Variants in CNPY4 observed in about 807,000 individuals in gnomAD.
The protein encoded by CNPY4 is protein canopy homolog 4.
Under a neutral mutation model 30.1 loss-of-function variants are expected in CNPY4, and 33 were observed. The ratio of observed to expected loss-of-function variants is 1.10; its 90% CI spans 0.83 to 1.46. The LOEUF (loss-of-function observed/expected upper bound fraction) is 1.46. Ranked by LOEUF, CNPY4 falls within the 40% of genes most tolerant of loss-of-function variation. The pLI, the probability that CNPY4 is intolerant of heterozygous loss-of-function variation, is 0.00. For synonymous variants in CNPY4, 109 were observed against 110.1 expected (o/e 0.99, Z 0.06); for missense variants, 324 against 302.6 (o/e 1.07, Z -0.52).
In CNPY4 at chr7:100,122,600, G is replaced by A. The variant is rs374997179; in HGVS notation, c.342+23G>A. ...AAGGTCAGACCCTTCCCCAGGGCAG[G>A]ACCCCACTTCTCAGATACAAAGATC... On this transcript the variant is annotated intron_variant, in intron 3 of 5. Coordinates refer to ENST00000262932, the MANE Select transcript of CNPY4 (RefSeq NM_152755.2). The A allele has an allele frequency of 4.3e-4, 682 of 1,573,618 alleles. 1 individual carries two copies. The highest frequency in any genetic ancestry group is 1.7e-3 in the Middle Eastern group (10 of 5,864).
intron 1 of CNPY4, among the ~76,000 whole-genome samples, chr7:100,120,899 A>G (rs572061321): frequency 6.6e-6 from 1 of 152,102 alleles, no homozygotes; most frequent in East Asian, 1.9e-4. Context: ...AGACCTGTAG[A>G]TAGAGATAAT....
At chr7:100,124,430 A>C in intron 4 of CNPY4, 84 bp from the exon 5 acceptor site, 1 of 1,053,154 alleles carries the variant, frequency 9.5e-7, no homozygotes, top group Non-Finnish European at 1.4e-6. Context: ...CTCCAAAATC[A>C]GTCAGGTTGA....
chr7:100,119,802 T>G lies in CNPY4; in HGVS notation c.58T>G (p.Trp20Gly). Residue 20 changes from tryptophan to glycine, a missense_variant, in exon 1 of 6, where the codon TGG becomes GGG. Transcript: ENST00000262932. Reference sequence around the variant, plus strand: ...CCTTTTTTTGGCCGTGCACGAGGCTTGGGCTGGGATGTTGAAGGAGGAGGA... The same window carrying G: ...CCTTTTTTTGGCCGTGCACGAGGCTGGGGCTGGGATGTTGAAGGAGGAGGA... ...LFLFLAVHEA[W>G]AGMLKEEDDD... 1 of 1,614,122 alleles carries G rather than the reference T, an allele frequency of 6.2e-7. No homozygotes were observed. Among genetic ancestry groups the G allele is most frequent in the Non-Finnish European group, 8.5e-7 (1 of 1,180,004 alleles).
In CNPY4 at chr7:100,122,876, C is replaced by T; in HGVS notation, c.435C>T (p.Pro145=). ...LGIPLELWDE[P]SVEVTYLKKQ... ...TCCCTCTGGAGCTTTGGGATGAGCC[C>T]AGCGTGGAGGTCACATACCTCAAGA... The change falls in exon 4 of 6, where the codon CCC becomes CCT. Residue 145 remains proline, a synonymous_variant. Coordinates refer to ENST00000262932, the MANE Select transcript of CNPY4 (RefSeq NM_152755.2). 1 of 1,613,584 alleles carries T rather than the reference C, an allele frequency of 6.2e-7. No homozygotes were observed. Among genetic ancestry groups the T allele is most frequent in the Non-Finnish European group, 8.5e-7 (1 of 1,179,898 alleles).
chr7:100,124,502 C>G lies in CNPY4; in HGVS notation c.466-12C>G. 1 of 1,595,048 alleles carries G rather than the reference C, an allele frequency of 6.3e-7. No homozygotes were observed. On this transcript the variant is annotated splice_polypyrimidine_tract_variant and intron_variant, in intron 4 of 5. Transcript: ENST00000262932. ...CAGAGCAGATACTCTTCTGGCCCTT[C>G]TACTTGACCAGTGTGAGACCATGTT...
In CNPY4 at chr7:100,124,725, C is replaced by G. The variant is rs373827926; in HGVS notation, c.584C>G (p.Ala195Gly). The G allele has an allele frequency of 6.2e-7, 1 of 1,613,804 alleles. No individual in the cohort carries two copies. The highest frequency in any genetic ancestry group is 8.5e-7 in the Non-Finnish European group (1 of 1,179,930). The change falls in exon 6 of 6, where the codon GCA (alanine) becomes GGA (glycine). Residue 195 changes from alanine (A) to glycine (G), a missense_variant and splice_region_variant. By Grantham distance (60) the Ala-to-Gly change is moderately conservative. Transcript: ENST00000262932. ...EGHVLPAAET[A>G]CLQETWTGKE... ...AATTGTTTTCTGTCATCCGATCTAG[C>G]ATGTCTACAGGAAACTTGGACTGGA... is the stretch of plus-strand genomic sequence containing the variant.
chr7:100,122,631 C>A, intron 3 of CNPY4, 54 bp downstream of exon 3: 1 of 1,526,462 alleles, frequency 6.6e-7, no homozygotes, highest in Non-Finnish European at 8.9e-7. Context: ...AGATCTGTAT[C>A]CCCTGAGGCC....
rs11763611 is a variant in CNPY4 at position 100,125,276 on chromosome 7, G to A, written c.*388G>A. The A allele has an allele frequency of 5.4e-5, 10 of 184,940 alleles. No individual in the cohort carries two copies. The highest frequency in any genetic ancestry group is 5.7e-5 in the Non-Finnish European group (5 of 87,304). 11.5% of individuals were successfully genotyped at this position (184,940 alleles called of 1,614,324 possible). ...GTTTTTAGACCCTTCCAAGGAAGAG[G>A]CCAGAACGGACATTCTCTGCGATCT... is the stretch of plus-strand genomic sequence containing the variant. On this transcript the variant is annotated 3_prime_UTR_variant, in exon 6 of 6. Transcript: ENST00000262932.
At position 100,122,286 on chromosome 7, in the gene CNPY4, A is replaced by G. The variant is rs1239109297; in HGVS notation, c.146A>G (p.Gln49Arg). The G allele has an allele frequency of 6.2e-6, 10 of 1,614,128 alleles. No individual in the cohort carries two copies. The highest frequency in any genetic ancestry group is 8.5e-6 in the Non-Finnish European group (10 of 1,180,026). The change falls in exon 2 of 6, where the codon CAG (glutamine) becomes CGG (arginine). Residue 49 changes from glutamine to arginine, a missense_variant. Transcript: ENST00000262932. ...EVCKLLSTEL[Q>R]AELSRTGRSR... ...TGTAAGCTGCTGAGCACAGAGCTAC[A>G]GGCGGAACTGAGTCGCACCGGTCGA...
At chr7:100,121,601 C>T (rs1414641193) in intron 1 of CNPY4, among the ~76,000 whole-genome samples, 1 of 151,874 alleles carries the variant, frequency 6.6e-6, no homozygotes, top group Non-Finnish European at 1.5e-5. Flanking sequence ...CGCACCACCA[C>T]ACCTGGCTAG....
At chr7:100,123,391 G>A (rs548904312) in intron 4 of CNPY4, among the ~76,000 whole-genome samples, 27 of 152,054 alleles carry the variant, frequency 1.8e-4, no homozygotes, top group Middle Eastern at 3.4e-3. Context: ...ATAATGAGCC[G>A]GGTGGAGTGG....
chr7:100,121,778 T>C (rs189212147), intron 1 of CNPY4, among the ~76,000 whole-genome samples: 1,620 of 146,670 alleles, frequency 0.011, 17 homozygotes, highest in Middle Eastern at 0.024. Context: ...CGGCCGGGCG[T>C]GGTGGCTCAC....
At chr7:100,120,862 G>T (rs1320310960) in intron 1 of CNPY4, among the ~76,000 whole-genome samples, 2 of 151,906 alleles carry the variant, frequency 1.3e-5, no homozygotes, top group East Asian at 3.9e-4. Context: ...GTCATCCTTG[G>T]TTTATCTGTC....
At chr7:100,120,567 C>G (rs1157351821) in intron 1 of CNPY4, among the ~76,000 whole-genome samples, 1 of 152,200 alleles carries the variant, frequency 6.6e-6, no homozygotes, top group African/African-American at 2.4e-5. Flanking sequence ...CAACTGTATT[C>G]CAGTATCATG....
Position 100,125,166 on chromosome 7 carries a change from T to C in CNPY4, c.*278T>C. The C allele has an allele frequency of 2.7e-6, 1 of 370,254 alleles. No individual in the cohort carries two copies. Among genetic ancestry groups the C allele is most frequent in the Non-Finnish European group, 4.9e-6 (1 of 205,662 alleles). The allele number at this position is 370,254 out of a possible 1,614,324, so 22.9% of individuals were successfully genotyped here. On this transcript the variant is annotated 3_prime_UTR_variant, in exon 6 of 6. Transcript: ENST00000262932. ...GCTGACAGTACTGAAAGCTTTCCTC[T>C]TTAACTGATCCCACCCCCACCCAAA...
At position 100,124,647 on chromosome 7, in the gene CNPY4, G is replaced by A; in HGVS notation, c.583+16G>A. 6.2e-7 allele frequency: 1 copy of A among 1,612,058 alleles called. No individual in the cohort carries two copies. Among genetic ancestry groups the A allele is most frequent in the Non-Finnish European group, 8.5e-7 (1 of 1,178,626 alleles). The stretch of plus-strand genomic sequence containing the variant: ...GCTGAAACTGGTAAGCGTAAGGGTT[G>A]AACTCCTCTCCTGCCAAGCCATAGC... On this transcript the variant is annotated intron_variant, in intron 5 of 5. Coordinates refer to ENST00000262932, the MANE Select transcript of CNPY4 (RefSeq NM_152755.2).
At chr7:100,122,651 T>A (rs775350218) in intron 3 of CNPY4, 74 bp downstream of exon 3, 89 of 1,510,562 alleles carry the variant, frequency 5.9e-5, no homozygotes, top group Non-Finnish European at 7.8e-5. Context: ...CCTCCAGAGG[T>A]TATCTGCCCA....
intron 4 of CNPY4, among the ~76,000 whole-genome samples, chr7:100,123,401 G>A (rs1018757941): frequency 1.3e-5 from 2 of 152,034 alleles, no homozygotes; most frequent in Admixed American, 6.6e-5. Context: ...GGGTGGAGTG[G>A]CTCACAACTG....
chr7:100,122,049 GA>G (rs111511573), intron 1 of CNPY4: 5,870 of 309,908 alleles, frequency 0.019, no homozygotes, highest in Middle Eastern at 0.029. Context: ...GAGTCCGTCT[GA>G]AAAAAAAAAA....
Sources: allele counts gnomAD v4.1 joint callset (sites outside exome capture counted in the v4.1 genomes callset), GRCh38; gene constraint gnomAD v4.1.1; transcripts MANE v1.5; gene names NCBI Gene and HGNC (gene_info 2026-07-23, HGNC 2026-07-21).